The following PCDHGA3 variants were observed in gnomAD, a reference collection of about 807,000 sequenced individuals.
PCDHGA3 encodes the protein protocadherin gamma subfamily A, 3.
A neutral mutation model predicts 58.5 loss-of-function variants in PCDHGA3; 40 were observed. The ratio of observed to expected loss-of-function variants is 0.68; its 90% confidence interval spans 0.53 to 0.89. The LOEUF (loss-of-function observed/expected upper bound fraction) is 0.89. Ranked by LOEUF, PCDHGA3 falls within the 40% of genes least tolerant of loss-of-function variation. PCDHGA3 has a pLI of 0.00. For synonymous variants in PCDHGA3, 530 were observed against 525.7 expected (o/e 1.01, Z -0.11); for missense variants, 1,223 against 1,195.9 (o/e 1.02, Z -0.33).
At chr5:141,390,506 T>A in intron 1 of PCDHGA3, 1 of 598,006 alleles carries the variant, frequency 1.7e-6, no homozygotes, top group Non-Finnish European at 2.9e-6. Context: ...CAAGCTTAGA[T>A]TTATAAAGCA....
chr5:141,370,908 C>T (rs372602970), intron 1 of PCDHGA3: 1 of 1,614,028 alleles, frequency 6.2e-7, no homozygotes, highest in East Asian at 2.2e-5. Flanking sequence ...GCAGTACTAC[C>T]TCAGCCCTGA....
At chr5:141,407,124 T>C (rs1409043654) in intron 1 of PCDHGA3, among the ~76,000 whole-genome samples, 1 of 152,242 alleles carries the variant, frequency 6.6e-6, no homozygotes, top group Non-Finnish European at 1.5e-5. Flanking sequence ...TTTCAGTTGC[T>C]TTATTTTTAA....
chr5:141,382,921 G>C (rs774998092), intron 1 of PCDHGA3: 4 of 1,560,206 alleles, frequency 2.6e-6, no homozygotes, highest in East Asian at 2.3e-5. Context: ...GCCGAGGGGC[G>C]GGGACTACAG....
intron 1 of PCDHGA3, chr5:141,364,483 C>T: frequency 1.9e-6 from 3 of 1,614,024 alleles, no homozygotes; most frequent in Non-Finnish European, 2.5e-6. Context: ...TAGCCAAGGA[C>T]CTTGGGCTGG....
At chr5:141,372,610 T>A in intron 1 of PCDHGA3, 3 of 1,613,984 alleles carry the variant, frequency 1.9e-6, no homozygotes, top group Non-Finnish European at 2.5e-6. Flanking sequence ...GTACCTGGAG[T>A]TCTCCCCACC....
At chr5:141,488,525 G>A (rs1040463796) in intron 1 of PCDHGA3, among the ~76,000 whole-genome samples, 1 of 152,182 alleles carries the variant, frequency 6.6e-6, no homozygotes, top group African/African-American at 2.4e-5. Flanking sequence ...TGGGGTGTCA[G>A]AAAAGCTAAG....
Position 141,490,703 on chromosome 5 carries a change from G to GCCT in PCDHGA3, c.2425-4102_2425-4100dup. 6.2e-7 allele frequency: 1 copy of GCCT among 1,614,110 alleles called. No individual in the cohort carries two copies. The highest frequency in any genetic ancestry group is 8.5e-7 in the Non-Finnish European group (1 of 1,180,000). Reference sequence around the variant, plus strand: ...GATCCAGACACTGGGGATAATGCCCGCCTCACCTACTCCATTGTAGGAAAT... The same window carrying GCCT: ...GATCCAGACACTGGGGATAATGCCCGCCTCCTCACCTACTCCATTGTAGGAAAT... On this transcript the variant is annotated intron_variant, in intron 1 of 3. Transcript: ENST00000253812. This position sits in a 1 kb window ranked among gnomAD's most constrained non-coding sequence, Gnocchi z 5.4.
At chr5:141,414,502 A>G in intron 1 of PCDHGA3, 1 of 1,613,944 alleles carries the variant, frequency 6.2e-7, no homozygotes, top group South Asian at 1.1e-5. Flanking sequence ...AGCTCACTTT[A>G]TGCTACAAGT....
chr5:141,356,257 A>G (rs757847704), intron 1 of PCDHGA3: 1 of 1,569,886 alleles, frequency 6.4e-7, no homozygotes, highest in Admixed American at 1.9e-5. Flanking sequence ...TACATCTCTC[A>G]CCAGCTCAGT....
intron 1 of PCDHGA3, chr5:141,356,782 C>A (rs745488065): frequency 6.7e-5 from 108 of 1,613,860 alleles, no homozygotes; most frequent in Non-Finnish European, 1.7e-5. Context: ...GTTTAGAGAC[C>A]TGCAGCTGCT....
At chr5:141,479,186 T>A (rs956575218) in intron 1 of PCDHGA3, 1 of 152,590 alleles carries the variant, frequency 6.6e-6, no homozygotes, top group Non-Finnish European at 1.5e-5. Flanking sequence ...GCTAGAAAAT[T>A]CAGAAAATAC....
At position 141,476,645 on chromosome 5, in the gene PCDHGA3, A is replaced by G. The variant is rs150444699; in HGVS notation, c.2425-18162A>G. The G allele has an allele frequency of 1.2e-4, 199 of 1,614,128 alleles. No homozygotes were observed. Among genetic ancestry groups the G allele is most frequent in the Non-Finnish European group, 1.6e-4 (194 of 1,180,060 alleles). ...TTTACAAACCTATGAGCTGAGCCGA[A>G]ATGAATACTTTGCGCTTCGCGTGCA... On this transcript the variant is annotated intron_variant, in intron 1 of 3. Transcript: ENST00000253812. The surrounding 1 kb of genome is among the most constrained non-coding windows in gnomAD (Gnocchi z 7.6).
In PCDHGA3 at chr5:141,490,113, C is replaced by G. The variant is rs2099696295; in HGVS notation, c.2425-4694C>G. Reference sequence around the variant, plus strand: ...ACCACACATCTGAGGCAGTGCGGAACCTCTTTGGCCTAGACCCTAGCAGTG... The same window carrying G: ...ACCACACATCTGAGGCAGTGCGGAAGCTCTTTGGCCTAGACCCTAGCAGTG... On this transcript the variant is annotated intron_variant, in intron 1 of 3. Transcript: ENST00000253812. This position sits in a 1 kb window ranked among gnomAD's most constrained non-coding sequence, Gnocchi z 5.4. 1 of 1,614,258 alleles carries G rather than the reference C, an allele frequency of 6.2e-7. No individual in the cohort carries two copies.
intron 1 of PCDHGA3, among the ~76,000 whole-genome samples, chr5:141,386,528 T>G (rs1181319415): frequency 6.6e-6 from 1 of 152,148 alleles, no homozygotes; most frequent in African/African-American, 2.4e-5. Context: ...AAGACTCTTT[T>G]TAGACTAGTG....
intron 1 of PCDHGA3, chr5:141,385,640 A>G (rs917789862): frequency 1.2e-6 from 1 of 803,664 alleles, no homozygotes; most frequent in South Asian, 4.4e-5. Context: ...CGAGTCTTTC[A>G]TATTGCACAA....
At chr5:141,366,266 G>T (rs1014933070) in intron 1 of PCDHGA3, 1 of 1,613,562 alleles carries the variant, frequency 6.2e-7, no homozygotes. Flanking sequence ...CGTGGTGGCC[G>T]TCGAAGACCA....
intron 1 of PCDHGA3, chr5:141,356,396 G>A (rs774336952): frequency 1.3e-6 from 2 of 1,581,424 alleles, no homozygotes; most frequent in Non-Finnish European, 8.6e-7. Context: ...AAGACCTATG[G>A]AAATTATTAT....
intron 1 of PCDHGA3, chr5:141,478,359 G>A: frequency 6.2e-7 from 1 of 1,613,734 alleles, no homozygotes; most frequent in Non-Finnish European, 8.5e-7. Flanking sequence ...GACGCCGTGC[G>A]GGGAGGCCTG....
intron 1 of PCDHGA3, chr5:141,478,044 C>A (rs1302168166): frequency 1.9e-6 from 3 of 1,614,184 alleles, no homozygotes; most frequent in South Asian, 1.1e-5. Flanking sequence ...CCCAGGCAGA[C>A]TCTCACGGTC....
Sources: gnomAD v4.1 joint callset for allele counts (sites outside exome capture counted in the v4.1 genomes callset) on GRCh38, gnomAD v4.1.1 for gene constraint, Gnocchi (gnomAD v3.1) non-coding constraint, MANE v1.5 for transcripts, NCBI Gene and HGNC (gene_info 2026-07-23, HGNC 2026-07-21) for gene names.